OTOGL: variants seen among roughly 807,000 people sequenced by gnomAD.
The protein encoded by OTOGL is otogelin like, also known as otogelin-like protein.
In OTOGL, 285 loss-of-function variants were observed where a neutral mutation model predicts 318.5. The observed-to-expected ratio is 0.89, with a 90% CI of 0.81 to 0.99. OTOGL has a LOEUF of 0.99. Among genes scored for constraint, OTOGL ranks in the 50% least tolerant of loss-of-function variants. The pLI, the probability that OTOGL is intolerant of heterozygous loss-of-function variation, is 0.00. For missense variants in OTOGL, 2,899 were observed against 2,845.6 expected (o/e 1.02, Z -0.43); for synonymous variants, 987 against 936.5 (o/e 1.05, Z -0.99).
intron 1 of OTOGL, among the ~76,000 whole-genome samples, chr12:80,174,770 C>T (rs1255430163): frequency 6.6e-6 from 1 of 152,000 alleles, no homozygotes; most frequent in East Asian, 1.9e-4. Context: ...AGAAAAGGCA[C>T]CTCACCACAC....
At chr12:80,284,194 C>A (rs1432169013) in intron 26 of OTOGL, among the ~76,000 whole-genome samples, 4 of 152,080 alleles carry the variant, frequency 2.6e-5, no homozygotes, top group Admixed American at 2.6e-4. Flanking sequence ...CATGTCCCTG[C>A]AAAGCACATG....
intron 1 of OTOGL, among the ~76,000 whole-genome samples, chr12:80,108,896 ATATATATGTG>A (rs1367994151): frequency 5.1e-4 from 68 of 133,394 alleles, no homozygotes; most frequent in African/African-American, 1.9e-3. Flanking sequence ...ATATATGTGT[ATATATATGTG>A]TATATATATG....
At chr12:80,214,598 C>A (rs998918937) in intron 4 of OTOGL, among the ~76,000 whole-genome samples, 1 of 152,266 alleles carries the variant, frequency 6.6e-6, no homozygotes, top group African/African-American at 2.4e-5. Flanking sequence ...ACAAAGTCTG[C>A]TGCAGTCGTG....
At chr12:80,170,178 G>GGTGTGTGT (rs532627744) in intron 1 of OTOGL, among the ~76,000 whole-genome samples, 67 of 144,152 alleles carry the variant, frequency 4.6e-4, no homozygotes, top group African/African-American at 4.7e-4. Flanking sequence ...CTTTGTCAGG[G>GGTGTGTGT]GTGTGTGTGT....
chr12:80,236,221 A>G (rs1879832825), intron 9 of OTOGL, among the ~76,000 whole-genome samples: 1 of 152,220 alleles, frequency 6.6e-6, no homozygotes, highest in South Asian at 2.1e-4. Context: ...ATTCATGTCT[A>G]CATCTAGCTA....
chr12:80,336,793 C>A lies in OTOGL; in HGVS notation c.4744-4C>A. On this transcript the variant is annotated splice_region_variant and splice_polypyrimidine_tract_variant and intron_variant, in intron 40 of 58. Transcript: ENST00000547103. ...TTTAAAAGTATTTCTTTTTTTTTTT[C>A]CAGAATGGAAACTCCTTAAAAAAGC... is the stretch of plus-strand genomic sequence containing the variant. 6.7e-7 allele frequency: 1 copy of A among 1,486,552 alleles called. No individual in the cohort carries two copies. The allele number at this position is 1,486,552 out of a possible 1,614,324, so 92.1% of individuals were successfully genotyped here. A position where few individuals can be genotyped will look rare whatever the true frequency, so the allele number is the denominator to read the frequency against.
chr12:80,366,498 T>TTA (rs1232989103), intron 52 of OTOGL, 76 bp from the exon 53 acceptor site: 1 of 143,916 alleles, frequency 6.9e-6, no homozygotes, highest in East Asian at 2.4e-4. Flanking sequence ...ATCAATTGTT[T>TTA]TATATATATA....
intron 1 of OTOGL, among the ~76,000 whole-genome samples, chr12:80,117,235 G>A (rs1203359429): frequency 1.4e-5 from 2 of 142,436 alleles, no homozygotes; most frequent in Non-Finnish European, 1.5e-5. Flanking sequence ...ATAAAATAGA[G>A]GCGATAAGCT....
At chr12:80,357,423 T>A (rs1889977309) in intron 49 of OTOGL, among the ~76,000 whole-genome samples, 1 of 151,842 alleles carries the variant, frequency 6.6e-6, no homozygotes, top group Non-Finnish European at 1.5e-5. Context: ...TTTTTTCAAA[T>A]GAATCATTAT....
intron 27 of OTOGL, 45 bp from the exon 28 acceptor site, chr12:80,302,589 G>C (rs1464771902): frequency 8.3e-7 from 1 of 1,201,174 alleles, no homozygotes; most frequent in Non-Finnish European, 1.1e-6. Flanking sequence ...ATTTTGGTTA[G>C]AGAACTTACT....
intron 57 of OTOGL, among the ~76,000 whole-genome samples, chr12:80,373,430 C>T (rs1359013262): frequency 4.7e-5 from 7 of 147,558 alleles, no homozygotes; most frequent in African/African-American, 2.5e-5. Flanking sequence ...GACTCTGTCT[C>T]CAAAACAAAC....
intron 1 of OTOGL, among the ~76,000 whole-genome samples, chr12:80,152,402 TC>T (rs1872841362): frequency 6.6e-6 from 1 of 152,148 alleles, no homozygotes; most frequent in African/African-American, 2.4e-5. Context: ...GATGCTGAGA[TC>T]TTCCCTCCCA....
At chr12:80,269,960 C>A (rs1883277205) in intron 22 of OTOGL, 142 bp from the exon 23 acceptor site, 1 of 674,814 alleles carries the variant, frequency 1.5e-6, no homozygotes, top group South Asian at 2.0e-5. Context: ...AACCCAACAG[C>A]TTGTAAAAAC....
chr12:80,115,244 G>C (rs1412919009), intron 1 of OTOGL, among the ~76,000 whole-genome samples: 1 of 152,028 alleles, frequency 6.6e-6, no homozygotes, highest in African/African-American at 2.4e-5. Flanking sequence ...TCTACCTTTG[G>C]TCTTTGCTCT....
chr12:80,204,959 C>A (rs1377841210), intron 1 of OTOGL, among the ~76,000 whole-genome samples: 1 of 152,082 alleles, frequency 6.6e-6, no homozygotes, highest in Non-Finnish European at 1.5e-5. Flanking sequence ...AATGCCCTGC[C>A]AGACATGGAC....
intron 1 of OTOGL, among the ~76,000 whole-genome samples, chr12:80,206,324 T>G (rs1046244518): frequency 1.4e-4 from 21 of 152,200 alleles, no homozygotes; most frequent in African/African-American, 5.1e-4. Flanking sequence ...GAGTTCATAA[T>G]GTAGTTAGTT....
chr12:80,310,635 A>C lies in OTOGL; in HGVS notation c.3358A>C (p.Lys1120Gln). Reference sequence around the variant, plus strand: ...GTGTGAAAGTCCAGATGAAACAATTAAACCCTGTGAGGCACATCAAAACAA... The same window carrying C: ...GTGTGAAAGTCCAGATGAAACAATTCAACCCTGTGAGGCACATCAAAACAA... ...GQCESPDETI[K>Q]PCEAHQNKFP... Residue 1120 changes from lysine (K) to glutamine (Q), a missense_variant, in exon 30 of 59, where the codon AAA becomes CAA. Lys to Gln is a moderately conservative substitution (Grantham distance 53). Around this residue, in one of 3 missense-constraint regions of OTOGL, gnomAD observed 2,607 missense variants for 2,524.9 expected, o/e 1.03. Transcript: ENST00000547103. 1 of 1,593,624 alleles carries C rather than the reference A, an allele frequency of 6.3e-7. No individual in the cohort carries two copies. The highest frequency in any genetic ancestry group is 1.7e-5 in the Admixed American group (1 of 59,980).
intron 1 of OTOGL, among the ~76,000 whole-genome samples, chr12:80,119,748 C>T (rs1870378045): frequency 3.9e-5 from 6 of 152,194 alleles, no homozygotes. Flanking sequence ...TGTGTGCTTT[C>T]ATCCTTTAAT....
At chr12:80,115,889 A>G (rs1870128851) in intron 1 of OTOGL, among the ~76,000 whole-genome samples, 1 of 152,242 alleles carries the variant, frequency 6.6e-6, no homozygotes, top group Non-Finnish European at 1.5e-5. Context: ...GTAATGGTGG[A>G]CACCCCTCCC....
Sources: allele counts gnomAD v4.1 joint callset (sites outside exome capture counted in the v4.1 genomes callset), GRCh38; gene constraint gnomAD v4.1.1; regional missense constraint gnomAD v4.1.1; transcripts MANE v1.5; gene names NCBI Gene and HGNC (gene_info 2026-07-23, HGNC 2026-07-21).